The following ACOX1 variants were observed in gnomAD, a reference collection of about 807,000 sequenced individuals.
ACOX1 encodes acyl-CoA oxidase 1, also known as peroxisomal acyl-coenzyme A oxidase 1.
In ACOX1, 41 loss-of-function variants were observed where a neutral mutation model predicts 75.5. That is an observed-to-expected ratio of 0.54 (90% CI 0.42 to 0.70). The LOEUF is 0.70. Among genes scored for constraint, ACOX1 ranks in the 30% least tolerant of loss-of-function variants. The pLI is 0.00. For missense variants in ACOX1, 630 were observed against 837.5 expected (o/e 0.75, Z 3.06); for synonymous variants, 303 against 298.8 (o/e 1.01, Z -0.15).
chr17:75,949,690 G>A (rs562585860), intron 10 of ACOX1, 28 bp downstream of exon 10: 19 of 1,614,074 alleles, frequency 1.2e-5, no homozygotes, highest in Admixed American at 8.3e-5. Flanking sequence ...CCACTGCTGC[G>A]TATTCTAGCT....
intron 2 of ACOX1, chr17:75,973,490 A>G (rs1032165435): frequency 1.1e-6 from 1 of 941,220 alleles, no homozygotes; most frequent in Non-Finnish European, 1.7e-6. Context: ...GGAGAAAACA[A>G]GAAGTTGAAT....
chr17:75,962,710 G>A (rs1439688703), intron 2 of ACOX1, among the ~76,000 whole-genome samples: 1 of 152,088 alleles, frequency 6.6e-6, no homozygotes, highest in African/African-American at 2.4e-5. Context: ...ATTTTACAGA[G>A]GAGAAATTAA....
In ACOX1 at chr17:75,948,302, CA is replaced by C. The variant is rs1423026795; in HGVS notation, c.1883del (p.Val628GlyfsTer14). ...GSVLGRYDGNVYENLFEWAKN... is the reference protein window; with the variant it reads ...GSVLGRYDGNXYENLFEWAKN... Reference sequence around the variant, plus strand: ...TAGCCCACTCAAACAAGTTTTCATACACATTCCCATCATAGCGGCCAAGCAC... The same window carrying C: ...TAGCCCACTCAAACAAGTTTTCATACCATTCCCATCATAGCGGCCAAGCAC... On this transcript the variant is annotated frameshift_variant, in exon 13 of 14. Coordinates refer to ENST00000293217, the MANE Select transcript of ACOX1 (RefSeq NM_004035.7). LOFTEE classifies it high-confidence loss of function. 6.2e-7 allele frequency: 1 copy of C among 1,614,070 alleles called. No homozygotes were observed. The highest frequency in any genetic ancestry group is 8.5e-7 in the Non-Finnish European group (1 of 1,179,990).
chr17:75,944,763 G>T lies in ACOX1; in HGVS notation c.*1985C>A, dbSNP rs1271734766. The T allele has an allele frequency of 6.6e-6, 1 of 151,460 alleles. No homozygotes were observed. The highest frequency in any genetic ancestry group is 1.9e-4 in the East Asian group (1 of 5,180). 9.4% of individuals were successfully genotyped at this position (151,460 alleles called of 1,614,324 possible). On this transcript the variant is annotated 3_prime_UTR_variant, in exon 14 of 14. Coordinates refer to ENST00000293217, the MANE Select transcript of ACOX1 (RefSeq NM_004035.7). ...CAGATTTAGATTTTTTTTTTGAGAC[G>T]GAGTCTCGCTCAGCCACCCAGGCTG... is the stretch of plus-strand genomic sequence containing the variant.
chr17:75,945,596 A>T lies in ACOX1; in HGVS notation c.*1152T>A, dbSNP rs921186574. On this transcript the variant is annotated 3_prime_UTR_variant, in exon 14 of 14. Transcript: ENST00000293217. Reference sequence around the variant, plus strand: ...TTACATTGACTTTAAGAAAAAATTAATTAAGATGTATTTAACCTTTAAGTA... The same window carrying T: ...TTACATTGACTTTAAGAAAAAATTATTTAAGATGTATTTAACCTTTAAGTA... 1 of 153,480 alleles carries T rather than the reference A, an allele frequency of 6.5e-6. No homozygotes were observed. Among genetic ancestry groups the T allele is most frequent in the Non-Finnish European group, 1.5e-5 (1 of 68,050 alleles). The allele number at this position is 153,480 out of a possible 1,614,324, so 9.5% of individuals were successfully genotyped here. A position where few individuals can be genotyped will look rare whatever the true frequency, so the allele number is the denominator to read the frequency against.
chr17:75,965,725 C>A (rs972139568), intron 2 of ACOX1, among the ~76,000 whole-genome samples: 1 of 152,012 alleles, frequency 6.6e-6, no homozygotes, highest in African/African-American at 2.4e-5. Flanking sequence ...CTCAACTACT[C>A]GGGAGACTGA....
chr17:75,961,746 C>G lies in ACOX1; in HGVS notation c.270-1371G>C, dbSNP rs552370803. ...CTGCACTCCAGCCTGGGCAACAGAG[C>G]GAGACTCTGTCTCAAAAAAAAAAAA... On this transcript the variant is annotated intron_variant, in intron 2 of 13. Coordinates refer to ENST00000293217, the MANE Select transcript of ACOX1 (RefSeq NM_004035.7). Among the ~76,000 whole-genome samples, 400 of 129,324 alleles carry G rather than the reference C, an allele frequency of 3.1e-3. 1 individual carries two copies. Among genetic ancestry groups the G allele is most frequent in the Non-Finnish European group, 5.1e-3 (330 of 64,560 alleles). The allele number at this position is 129,324 out of a possible 152,430, so 84.8% of individuals were successfully genotyped here. A position where few individuals can be genotyped will look rare whatever the true frequency, so the allele number is the denominator to read the frequency against.
chr17:75,950,639 G>T lies in ACOX1; in HGVS notation c.1298+135C>A. ...CCACGAAATAAAAACCGTGAGTCAG[G>T]ATGGAAGGCAAAAGTATACCTTTCA... On this transcript the variant is annotated intron_variant, in intron 9 of 13. Transcript: ENST00000293217. This position sits in a 1 kb window ranked among gnomAD's most constrained non-coding sequence, Gnocchi z 4.3. 2.1e-6 allele frequency: 2 copies of T among 945,680 alleles called. No individual in the cohort carries two copies. Among genetic ancestry groups the T allele is most frequent in the Non-Finnish European group, 3.2e-6 (2 of 616,292 alleles). 58.6% of individuals were successfully genotyped at this position (945,680 alleles called of 1,614,324 possible).
At chr17:75,968,367 T>C (rs1390709913) in intron 2 of ACOX1, among the ~76,000 whole-genome samples, 42 of 94,982 alleles carry the variant, frequency 4.4e-4, no homozygotes, top group African/African-American at 1.1e-3. Context: ...ACCCGGGAGG[T>C]GGAGCTTGCA....
chr17:75,949,816 A>G lies in ACOX1; in HGVS notation c.1380T>C (p.Ser460=), dbSNP rs2065757810. The stretch of plus-strand genomic sequence containing the variant: ...CTACCTGCTGTGGCTGGATGCGCTG[A>G]CTGGGCAGGTCGTTCAAATAGGACA... ...GMVSYLNDLP[S]QRIQPQQVAV... The change falls in exon 10 of 14, where the codon AGT becomes AGC. Residue 460 remains serine (S), a synonymous_variant. Transcript: ENST00000293217. 4 of 1,614,168 alleles carry G rather than the reference A, an allele frequency of 2.5e-6. No individual in the cohort carries two copies. The highest frequency in any genetic ancestry group is 3.4e-6 in the Non-Finnish European group (4 of 1,180,036).
intron 4 of ACOX1, among the ~76,000 whole-genome samples, chr17:75,956,576 T>C (rs1274023172): frequency 1.3e-5 from 2 of 151,444 alleles, no homozygotes; most frequent in Non-Finnish European, 2.9e-5. Flanking sequence ...TAGTCCCAGC[T>C]ACTCAGGAGG....
At position 75,951,439 on chromosome 17, in the gene ACOX1, T is replaced by C. The variant is rs370762803; in HGVS notation, c.1083A>G (p.Gln361=). 1 of 1,614,156 alleles carries C rather than the reference T, an allele frequency of 6.2e-7. No homozygotes were observed. Among genetic ancestry groups the C allele is most frequent in the South Asian group, 1.1e-5 (1 of 91,082 alleles). The change falls in exon 8 of 14, where the codon CAA becomes CAG. Residue 361 remains glutamine (Q), a synonymous_variant. Coordinates refer to ENST00000293217, the MANE Select transcript of ACOX1 (RefSeq NM_004035.7). ...CCTCAGGCAGTTCACTCAGGTCCCC[T>C]TGACCAATGCCTTCGTTAATCCGGT... ...TYHRINEGIG[Q]GDLSELPELH...
Position 75,949,857 on chromosome 17 carries a change from A to T in ACOX1, c.1339T>A (p.Leu447Met). The T allele has an allele frequency of 6.2e-7, 1 of 1,614,204 alleles. No individual in the cohort carries two copies. The highest frequency in any genetic ancestry group is 8.5e-7 in the Non-Finnish European group (1 of 1,180,038). The change falls in exon 10 of 14, where the codon TTG becomes ATG. Residue 447 changes from leucine (L) to methionine (M), a missense_variant. This residue lies in a region of ACOX1 where 240 missense variants were observed against 262.7 expected (regional missense o/e 0.91). Coordinates refer to ENST00000293217, the MANE Select transcript of ACOX1 (RefSeq NM_004035.7). ...AAATAGGACACCATGCCACACACCA[A>T]CTTTCCTGAGTGCACCTGATCATAA... is the stretch of plus-strand genomic sequence containing the variant. ...KSYDQVHSGK[L>M]VCGMVSYLND... is the part of the protein sequence containing the mutation.
intron 2 of ACOX1, among the ~76,000 whole-genome samples, chr17:75,976,195 G>C (rs1598203764): frequency 6.6e-6 from 1 of 152,182 alleles, no homozygotes; most frequent in Non-Finnish European, 1.5e-5. Flanking sequence ...CATTGGAAGT[G>C]TGTCAAAGGG....
chr17:75,968,211 C>T (rs1396473648), intron 2 of ACOX1, among the ~76,000 whole-genome samples: 3 of 149,196 alleles, frequency 2.0e-5, no homozygotes, highest in South Asian at 2.1e-4. Context: ...CCGAGGCGGG[C>T]GGATCACGAG....
chr17:75,975,895 AAGAAAGAGGAAG>A (rs1417226807), intron 2 of ACOX1, among the ~76,000 whole-genome samples: 1 of 150,844 alleles, frequency 6.6e-6, no homozygotes, highest in African/African-American at 2.5e-5. Flanking sequence ...GAGAAAGAAA[AAGAAAGAGGAAG>A]AGAAAGAGAA....
At chr17:75,964,128 G>A (rs546085328) in intron 2 of ACOX1, among the ~76,000 whole-genome samples, 1 of 145,702 alleles carries the variant, frequency 6.9e-6, no homozygotes, top group South Asian at 2.2e-4. Context: ...AGGTTGCAGT[G>A]AGCCAAGATC....
At chr17:75,969,188 C>T (rs955445517) in intron 2 of ACOX1, among the ~76,000 whole-genome samples, 2 of 152,038 alleles carry the variant, frequency 1.3e-5, no homozygotes, top group African/African-American at 2.4e-5. Context: ...TTTTTTGAGA[C>T]GGAGTCTCAC....
rs777799813 is a variant in ACOX1 at position 75,958,245 on chromosome 17, A to C, written c.431-679T>G. Among the ~76,000 whole-genome samples, 33 of 150,044 alleles carry C rather than the reference A, an allele frequency of 2.2e-4. 1 individual carries two copies. The highest frequency in any genetic ancestry group is 4.5e-4 in the African/African-American group (18 of 40,018). ...GCATGCGCCTGTAGTCCCAGCTACT[A>C]AGGAGGCTGAGGCAGGAGAATTGCT... On this transcript the variant is annotated intron_variant, in intron 3 of 13. Coordinates refer to ENST00000293217, the MANE Select transcript of ACOX1 (RefSeq NM_004035.7).
Sources: allele counts gnomAD v4.1 joint callset (sites outside exome capture counted in the v4.1 genomes callset), GRCh38; gene constraint gnomAD v4.1.1; regional missense constraint gnomAD v4.1.1; non-coding constraint Gnocchi (gnomAD v3.1); transcripts MANE v1.5; gene names NCBI Gene and HGNC (gene_info 2026-07-23, HGNC 2026-07-21).